LTK: variants seen among roughly 807,000 people sequenced by gnomAD.
LTK encodes leukocyte receptor tyrosine kinase, also known as leukocyte tyrosine kinase receptor.
In LTK, 117 loss-of-function variants were observed where a neutral mutation model predicts 101.5. That is an observed-to-expected ratio of 1.15 (90% CI 0.99 to 1.34). The LOEUF (loss-of-function observed/expected upper bound fraction) is 1.34. Among genes scored for constraint, LTK ranks in the 40% most tolerant of loss-of-function variants. The pLI, the probability that LTK is intolerant of heterozygous loss-of-function variation, is 0.00. For synonymous variants in LTK, 563 were observed against 494.2 expected, an observed-to-expected ratio of 1.14 and a Z score of -1.85; for missense variants, 1,252 against 1,164.7, an observed-to-expected ratio of 1.07 and a Z score of -1.09.
Position 41,511,392 on chromosome 15 carries a change from C to G in LTK, c.814+30G>C. 2 of 1,371,100 alleles carry G rather than the reference C, an allele frequency of 1.5e-6. No individual in the cohort carries two copies. The highest frequency in any genetic ancestry group is 1.9e-6 in the Non-Finnish European group (2 of 1,070,970). The allele number at this position is 1,371,100 out of a possible 1,614,324, so 84.9% of individuals were successfully genotyped here. ...GGTTGGCAGCCACACGGGGAGCACG[C>G]CCGCCTCTCCCCGCGGCCCGCGCCC... On this transcript the variant is annotated intron_variant, in intron 6 of 19. Coordinates refer to ENST00000263800, the MANE Select transcript of LTK (RefSeq NM_002344.6). This position sits in a 1 kb window ranked among gnomAD's most constrained non-coding sequence, Gnocchi z 5.9.
In LTK at chr15:41,507,111, T is replaced by C. The variant is rs1221095713; in HGVS notation, c.1525A>G (p.Asn509Asp). Residue 509 changes from asparagine to aspartate, a missense_variant, in exon 11 of 20, where the codon AAT (asparagine) becomes GAT (aspartate). Asn to Asp is a conservative substitution (Grantham distance 23). Transcript: ENST00000263800. Reference sequence around the variant, plus strand: ...AAGACTTACCTGAGCAGAGTAACATTGGCTGGGGAAACCTCGGTGACACCT... The same window carrying C: ...AAGACTTACCTGAGCAGAGTAACATCGGCTGGGGAAACCTCGGTGACACCT... ...PPGVTEVSPA[N>D]VTLLRALGHG... 1 of 1,613,368 alleles carries C rather than the reference T, an allele frequency of 6.2e-7. No individual in the cohort carries two copies. The highest frequency in any genetic ancestry group is 1.3e-5 in the African/African-American group (1 of 74,994).
rs372800939 is a variant in LTK, at chr15:41,504,782, G to A, written c.2111C>T (p.Thr704Ile). Residue 704 changes from threonine (T) to isoleucine (I), a missense_variant, in exon 17 of 20, where the codon ACA becomes ATA. By Grantham distance (89) the Thr-to-Ile change is moderately conservative. Coordinates refer to ENST00000263800, the MANE Select transcript of LTK (RefSeq NM_002344.6). ...GGAAGGGTGTTATCACCAGGAATCT[G>A]TCTTGGATGTGAAGATGCCCTCCAG... ...AFLEGIFTSK[T>I]DSWSFGVLLW... 2 of 1,609,494 alleles carry A rather than the reference G, an allele frequency of 1.2e-6. No homozygotes were observed. Among genetic ancestry groups the A allele is most frequent in the Admixed American group, 1.7e-5 (1 of 59,700 alleles).
At position 41,512,179 on chromosome 15, in the gene LTK, G is replaced by A. The variant is rs1232126663; in HGVS notation, c.446C>T (p.Ser149Phe). The part of the protein sequence containing the change: ...AHGVFVSAIF[S>F]LGLGESLYIL... The stretch of plus-strand genomic sequence containing the variant: ...GTACAGCGACTCCCCGAGACCGAGG[G>A]AGAAGATTGCTGAGACGAAGACGCC... The change falls in exon 4 of 20, where the codon TCC becomes TTC. Residue 149 changes from serine (S) to phenylalanine (F), a missense_variant. By Grantham distance (155) the Ser-to-Phe change is radical. Transcript: ENST00000263800. 1.2e-6 allele frequency: 2 copies of A among 1,613,088 alleles called. No homozygotes were observed. The highest frequency in any genetic ancestry group is 2.7e-5 in the African/African-American group (2 of 74,904).
Position 41,513,724 on chromosome 15 carries a change from C to T in LTK, c.-15G>A, listed in dbSNP as rs1192666880. On this transcript the variant is annotated 5_prime_UTR_variant, in exon 1 of 20. In the 5' UTR this introduces an upstream ATG that the reference lacks. Transcript: ENST00000263800. ...CAGCAGCCCATCCCTGTTGGGTCCA[C>T]CCGGCAACAAAAGCCCTTGCGGTCG... 15 of 1,613,034 alleles carry T rather than the reference C, an allele frequency of 9.3e-6. No individual in the cohort carries two copies. The Admixed American group carries it at 2.3e-4, about 25-fold the overall frequency.
Position 41,507,092 on chromosome 15 carries a change from TAC to T in LTK, c.1541+1_1541+2del. The T allele has an allele frequency of 6.2e-7, 1 of 1,612,040 alleles. No homozygotes were observed. The highest frequency in any genetic ancestry group is 8.5e-7 in the Non-Finnish European group (1 of 1,179,390). ...GGTTCTCAGAAGGAGGCAGAAGACT[TAC>T]CTGAGCAGAGTAACATTGGCTGGGG... On this transcript the variant is annotated splice_donor_variant, in intron 11 of 19. Transcript: ENST00000263800. LOFTEE classifies it high-confidence loss of function.
At chr15:41,505,631 T>C in intron 13 of LTK, 82 bp downstream of exon 13, 9 of 1,603,174 alleles carry the variant, frequency 5.6e-6, no homozygotes, top group Admixed American at 5.1e-5. Flanking sequence ...CCTGACTTGC[T>C]ACCTCAGCCT....
intron 3 of LTK, 107 bp downstream of exon 3, chr15:41,512,600 C>G: frequency 7.4e-7 from 1 of 1,354,890 alleles, no homozygotes; most frequent in Non-Finnish European, 9.7e-7. Flanking sequence ...GACCTCCCCG[C>G]GGAATAGTCC....
intron 2 of LTK, 31 bp downstream of exon 2, chr15:41,512,946 G>A (rs780163246): frequency 1.9e-6 from 3 of 1,612,996 alleles, no homozygotes; most frequent in East Asian, 2.2e-5. Flanking sequence ...GGTATGGTGA[G>A]CGAAAGAGGA....
chr15:41,505,184 C>T (rs2051225701), intron 15 of LTK, 24 bp downstream of exon 15: 1 of 1,608,352 alleles, frequency 6.2e-7, no homozygotes, highest in Admixed American at 1.7e-5. Context: ...GATGGGGGTC[C>T]CCTGAGCCAG....
intron 8 of LTK, among the ~76,000 whole-genome samples, chr15:41,508,797 C>T (rs750644432): frequency 9.2e-5 from 14 of 152,270 alleles, no homozygotes; most frequent in African/African-American, 1.4e-4. Context: ...CCATCCAGCA[C>T]GACTGGCAGC....
chr15:41,509,105 T>C lies in LTK; in HGVS notation c.1022A>G (p.Asn341Ser), dbSNP rs752943456. 9 of 1,613,184 alleles carry C rather than the reference T, an allele frequency of 5.6e-6. 1 individual carries two copies. The South Asian group carries it at 8.8e-5, about 16-fold the overall frequency. Reference protein sequence around the residue: ...YRGGDASETDNLWADGEDGVS... With the variant: ...YRGGDASETDSLWADGEDGVS... ...TCCATCTTCCCCATCAGCCCAGAGG[T>C]TGTCAGTCTCTGAAGCGTCGCCCCC... is the stretch of plus-strand genomic sequence containing the variant. Residue 341 changes from asparagine to serine, a missense_variant, in exon 8 of 20, where the codon AAC becomes AGC. By Grantham distance (46) the Asn-to-Ser change is conservative (BLOSUM62 1). Coordinates refer to ENST00000263800, the MANE Select transcript of LTK (RefSeq NM_002344.6).
Position 41,507,823 on chromosome 15 carries a change from C to T in LTK, c.1250-166G>A, listed in dbSNP as rs531922094. On this transcript the variant is annotated intron_variant, in intron 9 of 19. Transcript: ENST00000263800. ...CTCCCTCTTGAACACCCCTAAAGCA[C>T]TTTATACCTCCCACAACAATCGTCA... Among the ~76,000 whole-genome samples, 5 of 152,328 alleles carry T rather than the reference C, an allele frequency of 3.3e-5. No individual in the cohort carries two copies. In the South Asian group the frequency reaches 1.0e-3, roughly 32 times the overall value.
At position 41,504,428 on chromosome 15, in the gene LTK, G is replaced by T. The variant is rs139153755; in HGVS notation, c.2260C>A (p.Arg754Ser). ...TGCTGCCAACACTGGGTCATGATGC[G>T]GTACCTGGGGAGAGGCAGGAGTTCA... The part of the protein sequence containing the change: ...PPRGCPGPVY[R>S]IMTQCWQHEP... Residue 754 changes from arginine to serine, a missense_variant, in exon 19 of 20, where the codon CGC becomes AGC. Coordinates refer to ENST00000263800, the MANE Select transcript of LTK (RefSeq NM_002344.6). The T allele has an allele frequency of 2.5e-6, 4 of 1,614,002 alleles. No homozygotes were observed. The highest frequency in any genetic ancestry group is 1.6e-4 in the Middle Eastern group (1 of 6,084).
Position 41,511,308 on chromosome 15 carries a change from GC to G in LTK, c.852del (p.Gln285ArgfsTer89). 1 of 1,369,224 alleles carries G rather than the reference GC, an allele frequency of 7.3e-7. No individual in the cohort carries two copies. Among genetic ancestry groups the G allele is most frequent in the South Asian group, 1.7e-5 (1 of 57,824 alleles). The allele number at this position is 1,369,224 out of a possible 1,614,324, so 84.8% of individuals were successfully genotyped here. On this transcript the variant is annotated frameshift_variant, in exon 7 of 20. Transcript: ENST00000263800. LOFTEE classifies it high-confidence loss of function. This position sits in a 1 kb window ranked among gnomAD's most constrained non-coding sequence, Gnocchi z 5.9. ...CCCTCCTGCAGTGAGCGGCCGGCCT[GC>G]GGAGAGGGAGCCCGCGACGTCCAGC... ...GGGWTSRAPS[P>X]QAGRSLQEGA...
chr15:41,512,223 GT>G lies in LTK; in HGVS notation c.401del (p.Asn134ThrfsTer107), dbSNP rs772766044. ...YGAAGGKGAK[N>X]HLSRAHGVFV... Reference sequence around the variant, plus strand: ...AGACGCCATGCGCCCGCGACAGGTGGTTCTTGGCGCCTTTGCCGCCCGCGGC... The same window carrying G: ...AGACGCCATGCGCCCGCGACAGGTGGTCTTGGCGCCTTTGCCGCCCGCGGC... On this transcript the variant is annotated frameshift_variant, in exon 4 of 20. Coordinates refer to ENST00000263800, the MANE Select transcript of LTK (RefSeq NM_002344.6). LOFTEE classifies it high-confidence loss of function. The G allele has an allele frequency of 3.8e-4, 616 of 1,612,992 alleles. No individual in the cohort carries two copies. The highest frequency in any genetic ancestry group is 5.1e-4 in the Non-Finnish European group (596 of 1,179,838).
In LTK at chr15:41,512,855, A is replaced by G; in HGVS notation, c.211T>C (p.Ser71Pro). The change falls in exon 3 of 20, where the codon TCT becomes CCT. Residue 71 changes from serine (S) to proline (P), a missense_variant. Transcript: ENST00000263800. ...SPGTEGSWLF[S>P]TCGASGRHGP... is the part of the protein sequence containing the mutation. ...TGCCGGCCGCTGGCCCCGCAGGTAG[A>G]AAACAGCCAAGACCCCTCGGTGCCT... 1.9e-6 allele frequency: 3 copies of G among 1,612,154 alleles called. No individual in the cohort carries two copies. Among genetic ancestry groups the G allele is most frequent in the Non-Finnish European group, 2.5e-6 (3 of 1,179,422 alleles).
At position 41,504,032 on chromosome 15, in the gene LTK, T is replaced by G. The variant is rs143467076; in HGVS notation, c.2559A>C (p.Gln853His). Reference sequence around the variant, plus strand: ...AAGTGGGATTCCAAAGGTTCTGAGGTTGGAGGCCCCTGGATTTGAGGGGCT... The same window carrying G: ...AAGTGGGATTCCAAAGGTTCTGAGGGTGGAGGCCCCTGGATTTGAGGGGCT... ...GLKPLKSRGL[Q>H]PQNLWNPTYR... The change falls in exon 20 of 20, where the codon CAA (glutamine) becomes CAC (histidine). Residue 853 changes from glutamine to histidine, a missense_variant. By Grantham distance (24) the Gln-to-His change is conservative. Coordinates refer to ENST00000263800, the MANE Select transcript of LTK (RefSeq NM_002344.6). 137 of 1,611,834 alleles carry G rather than the reference T, an allele frequency of 8.5e-5. No homozygotes were observed. The highest frequency in any genetic ancestry group is 1.2e-4 in the Non-Finnish European group (137 of 1,179,326).
Position 41,504,234 on chromosome 15 carries a change from A to G in LTK, c.2357T>C (p.Val786Ala). 6.2e-7 allele frequency: 1 copy of G among 1,607,826 alleles called. No individual in the cohort carries two copies. The highest frequency in any genetic ancestry group is 8.5e-7 in the Non-Finnish European group (1 of 1,175,690). The stretch of plus-strand genomic sequence containing the variant: ...CTCCATTGGCAGGAGTGAATTCAGC[A>G]CATCCGGGTCCTGTAATGGAAGAGT... ...RLQYCTQDPDVLNSLLPMELG... is the reference protein window; with the variant it reads ...RLQYCTQDPDALNSLLPMELG... The change falls in exon 20 of 20, where the codon GTG becomes GCG. Residue 786 changes from valine (V) to alanine (A), a missense_variant. Physicochemically the swap from Val to Ala is moderately conservative, Grantham distance 64. Coordinates refer to ENST00000263800, the MANE Select transcript of LTK (RefSeq NM_002344.6).
Position 41,512,169 on chromosome 15 carries a change from G to A in LTK, c.456C>T (p.Leu152=), listed in dbSNP as rs1387321738. Residue 152 remains leucine (L), a synonymous_variant, in exon 4 of 20, where the codon CTC becomes CTT. Coordinates refer to ENST00000263800, the MANE Select transcript of LTK (RefSeq NM_002344.6). ...CCACCAGGATGTACAGCGACTCCCCGAGACCGAGGGAGAAGATTGCTGAGA... is the reference window on the plus strand; with the variant it reads ...CCACCAGGATGTACAGCGACTCCCCAAGACCGAGGGAGAAGATTGCTGAGA... The part of the protein sequence containing the change: ...VFVSAIFSLG[L]GESLYILVGQ... 1.9e-6 allele frequency: 3 copies of A among 1,612,802 alleles called. No individual in the cohort carries two copies. The highest frequency in any genetic ancestry group is 1.1e-5 in the South Asian group (1 of 91,008).
Sources: gnomAD v4.1 joint callset for allele counts (sites outside exome capture counted in the v4.1 genomes callset) on GRCh38, gnomAD v4.1.1 for gene constraint, Gnocchi (gnomAD v3.1) non-coding constraint, MANE v1.5 for transcripts, NCBI Gene and HGNC (gene_info 2026-07-23, HGNC 2026-07-21) for gene names.